The following B3GALNT2 variants were observed in gnomAD, a reference collection of about 807,000 sequenced individuals.
B3GALNT2 encodes the protein beta-1,3-N-acetylgalactosaminyltransferase 2.
A neutral mutation model predicts 61.1 loss-of-function variants in B3GALNT2; 53 were observed. The observed-to-expected ratio is 0.87, with a 90% CI of 0.70 to 1.09. The LOEUF (loss-of-function observed/expected upper bound fraction) is 1.09, where lower values mean the gene tolerates loss of function less well. Among genes scored for constraint, B3GALNT2 ranks in the 50% least tolerant of loss-of-function variants. B3GALNT2 has a pLI of 0.00. For missense variants in B3GALNT2, 544 were observed against 623.0 expected, an observed-to-expected ratio of 0.87 and a Z score of 1.35; for synonymous variants, 223 against 237.4, an observed-to-expected ratio of 0.94 and a Z score of 0.56.
chr1:235,477,313 CTGT>C (rs536635682), intron 5 of B3GALNT2, among the ~76,000 whole-genome samples: 297 of 152,306 alleles, frequency 2.0e-3, no homozygotes, highest in African/African-American at 6.7e-3. Flanking sequence ...ACACACTTTT[CTGT>C]TGTTGGATCA....
chr1:235,448,601 G>GTTTC lies in B3GALNT2; in HGVS notation c.*1604_*1605insGAAA. On this transcript the variant is annotated 3_prime_UTR_variant, in exon 12 of 12. Transcript: ENST00000366600. ...ACTGCCTGGGGACGGGGTGGGGGAA[G>GTTTC]AGTATGTGTAGCATGCTTTATCGGA... The GTTTC allele has an allele frequency of 7.0e-7, 1 of 1,426,472 alleles. No individual in the cohort carries two copies. Among genetic ancestry groups the GTTTC allele is most frequent in the Non-Finnish European group, 9.9e-7 (1 of 1,009,442 alleles). 88.4% of individuals were successfully genotyped at this position (1,426,472 alleles called of 1,614,324 possible). A position where few individuals can be genotyped will look rare whatever the true frequency, so the allele number is the denominator to read the frequency against.
At chr1:235,455,533 C>A (rs774544984) in intron 9 of B3GALNT2, 26 bp downstream of exon 9, 16 of 1,606,578 alleles carry the variant, frequency 1.0e-5, no homozygotes, top group Non-Finnish European at 1.4e-5. Context: ...ACACGAATGC[C>A]AATGGGCTAA....
intron 7 of B3GALNT2, among the ~76,000 whole-genome samples, chr1:235,462,923 G>T (rs1457966284): frequency 1.3e-5 from 2 of 152,172 alleles, no homozygotes; most frequent in Non-Finnish European, 2.9e-5. Context: ...AAAGATACTT[G>T]CACATGCATG....
intron 2 of B3GALNT2, among the ~76,000 whole-genome samples, chr1:235,491,481 C>T (rs986194629): frequency 6.6e-6 from 1 of 152,098 alleles, no homozygotes; most frequent in African/African-American, 2.4e-5. Flanking sequence ...GTTAGTAAAC[C>T]TTTATCAGTA....
chr1:235,477,378 T>C (rs1684337959), intron 5 of B3GALNT2, among the ~76,000 whole-genome samples: 1 of 152,200 alleles, frequency 6.6e-6, no homozygotes, highest in Non-Finnish European at 1.5e-5. Flanking sequence ...TCAGCATGTA[T>C]TTCCTAAGAA....
At chr1:235,484,651 A>T (rs1221152151) in intron 3 of B3GALNT2, 136 bp from the exon 4 acceptor site, 9 of 1,392,102 alleles carry the variant, frequency 6.5e-6, no homozygotes, top group African/African-American at 1.5e-5. Flanking sequence ...AGGAATTTTT[A>T]AAAAATGCTT....
chr1:235,457,476 T>C (rs954026005), intron 8 of B3GALNT2, among the ~76,000 whole-genome samples: 1 of 152,178 alleles, frequency 6.6e-6, no homozygotes, highest in African/African-American at 2.4e-5. Flanking sequence ...ATAATTCTAA[T>C]AACTATACGT....
intron 4 of B3GALNT2, among the ~76,000 whole-genome samples, chr1:235,481,583 A>G (rs1296679614): frequency 6.6e-6 from 1 of 152,070 alleles, no homozygotes; most frequent in Non-Finnish European, 1.5e-5. Context: ...GGCTGAAGCA[A>G]TCCATCTGCC....
In B3GALNT2 at chr1:235,447,940, T is replaced by G. The variant is rs1354478921; in HGVS notation, c.*2266A>C. On this transcript the variant is annotated 3_prime_UTR_variant, in exon 12 of 12. Coordinates refer to ENST00000366600, the MANE Select transcript of B3GALNT2 (RefSeq NM_152490.5). ...TAAAATGAAAGATACAGCCAGGCGC[T>G]GGGCTCATGCTTGTAATCCCAGCAC... Among the ~76,000 whole-genome samples the G allele has an allele frequency of 6.6e-6, 1 of 151,842 alleles. No homozygotes were observed. Among genetic ancestry groups the G allele is most frequent in the Non-Finnish European group, 1.5e-5 (1 of 68,012 alleles).
chr1:235,440,192 G>C, the B3GALNT2 span, among the ~76,000 whole-genome samples: 18 of 152,062 alleles, frequency 1.2e-4, no homozygotes, highest in African/African-American at 2.4e-4. Flanking sequence ...GGATGGTCTC[G>C]ATCTCCTGAC....
At chr1:235,458,560 A>G in intron 8 of B3GALNT2, 43 bp downstream of exon 8, 1 of 1,531,610 alleles carries the variant, frequency 6.5e-7, no homozygotes, top group South Asian at 1.3e-5. Flanking sequence ...AAAAAAACTA[A>G]CAATAAAACA....
rs1558414263 is a variant in B3GALNT2, at chr1:235,462,137, C to T, written c.842-3351G>A. On this transcript the variant is annotated intron_variant, in intron 7 of 11. Coordinates refer to ENST00000366600, the MANE Select transcript of B3GALNT2 (RefSeq NM_152490.5). Reference sequence around the variant, plus strand: ...TTCAACAGGATGTAACATTGTAAGTCAAGGAGCATCTGTATAATTTAACAC... The same window carrying T: ...TTCAACAGGATGTAACATTGTAAGTTAAGGAGCATCTGTATAATTTAACAC... 2.0e-5 allele frequency among the ~76,000 whole-genome samples: 3 copies of T among 152,130 alleles called. 1 individual carries two copies. In the South Asian group the frequency reaches 6.2e-4, roughly 32 times the overall value.
intron 8 of B3GALNT2, among the ~76,000 whole-genome samples, chr1:235,456,001 T>C (rs1683152999): frequency 6.6e-6 from 1 of 152,236 alleles, no homozygotes; most frequent in South Asian, 2.1e-4. Context: ...ATTCAACTCC[T>C]GCTGCCAAAT....
chr1:235,497,158 T>G (rs1300949175), intron 1 of B3GALNT2, among the ~76,000 whole-genome samples: 1 of 152,204 alleles, frequency 6.6e-6, no homozygotes, highest in African/African-American at 2.4e-5. Flanking sequence ...TACCTAGTGC[T>G]GGAACTCACT....
At chr1:235,465,055 G>C (rs1186221533) in intron 7 of B3GALNT2, 1 of 152,050 alleles carries the variant, frequency 6.6e-6, no homozygotes, top group Non-Finnish European at 1.5e-5. Context: ...ATATGACCCA[G>C]GTCTTCTACT....
At chr1:235,471,856 T>C (rs1338421519) in intron 5 of B3GALNT2, among the ~76,000 whole-genome samples, 2 of 152,218 alleles carry the variant, frequency 1.3e-5, no homozygotes, top group East Asian at 3.9e-4. Flanking sequence ...AGAGACAGGG[T>C]TTCGCCATGT....
chr1:235,448,054 C>T lies in B3GALNT2; in HGVS notation c.*2152G>A, dbSNP rs1020074035. On this transcript the variant is annotated 3_prime_UTR_variant, in exon 12 of 12. Coordinates refer to ENST00000366600, the MANE Select transcript of B3GALNT2 (RefSeq NM_152490.5). ...TGAAACCCCGTCTCTACTAAAAATA[C>T]AAAAGTTAGCTGGGTGTGGTGATGG... Among the ~76,000 whole-genome samples, 1 of 151,946 alleles carries T rather than the reference C, an allele frequency of 6.6e-6. No individual in the cohort carries two copies. Among genetic ancestry groups the T allele is most frequent in the African/African-American group, 2.4e-5 (1 of 41,362 alleles).
intron 2 of B3GALNT2, among the ~76,000 whole-genome samples, chr1:235,494,364 T>C (rs943003344): frequency 2.0e-5 from 3 of 152,100 alleles, no homozygotes; most frequent in African/African-American, 7.2e-5. Context: ...GCCCAAACTA[T>C]ATGGAAGAAA....
Position 235,449,040 on chromosome 1 carries a change from A to AAATAGAAAGAAAC in B3GALNT2, c.*1153_*1165dup, listed in dbSNP as rs1682709894. ...CATTTCATGATAAGATTTAAATATTAAATAGAAAGAAACTAGCTAGCCTAA... is the reference window on the plus strand; with the variant it reads ...CATTTCATGATAAGATTTAAATATTAAATAGAAAGAAACAATAGAAAGAAACTAGCTAGCCTAA... On this transcript the variant is annotated 3_prime_UTR_variant, in exon 12 of 12. Transcript: ENST00000366600. The AAATAGAAAGAAAC allele has an allele frequency of 5.7e-6, 2 of 350,566 alleles. No homozygotes were observed. Among genetic ancestry groups the AAATAGAAAGAAAC allele is most frequent in the Non-Finnish European group, 1.1e-5 (2 of 184,322 alleles). The allele number at this position is 350,566 out of a possible 1,614,324, so 21.7% of individuals were successfully genotyped here. A position where few individuals can be genotyped will look rare whatever the true frequency, so the allele number is the denominator to read the frequency against.
Sources: allele counts gnomAD v4.1 joint callset (sites outside exome capture counted in the v4.1 genomes callset), GRCh38; gene constraint gnomAD v4.1.1; transcripts MANE v1.5; gene names NCBI Gene and HGNC (gene_info 2026-07-23, HGNC 2026-07-21).